Variants in ZNF280B observed in about 807,000 individuals in gnomAD.
ZNF280B encodes the protein zinc finger protein 280B, also known as suppressor of hairy wing homolog 2.
A neutral mutation model predicts 38.0 loss-of-function variants in ZNF280B; 16 were observed. That is an observed-to-expected ratio of 0.42 (90% CI 0.28 to 0.64). The LOEUF is 0.64. Ranked by LOEUF, ZNF280B falls within the 30% of genes least tolerant of loss-of-function variation. The pLI, the probability that ZNF280B is intolerant of heterozygous loss-of-function variation, is 0.21. For missense variants in ZNF280B, 581 were observed against 639.6 expected (o/e 0.91, Z 0.99); for synonymous variants, 253 against 230.6 (o/e 1.10, Z -0.88).
chr22:22,495,006 G>A lies in ZNF280B; in HGVS notation c.-186-826C>T, dbSNP rs528356029. 1.2e-4 allele frequency among the ~76,000 whole-genome samples: 19 copies of A among 152,082 alleles called. No individual in the cohort carries two copies. In the East Asian group the frequency reaches 3.3e-3, roughly 27 times the overall value. On this transcript the variant is annotated intron_variant, in intron 2 of 3. Transcript: ENST00000626650. ...CTCCCAAAGTGCTGGGATTACAGGC[G>A]TGAGCCACCGTGCCCAGCCTCTAGT...
chr22:22,498,792 CCT>C (rs2061753651), intron 2 of ZNF280B, among the ~76,000 whole-genome samples: 1 of 50,470 alleles, frequency 2.0e-5, no homozygotes, highest in Non-Finnish European at 3.6e-5. Flanking sequence ...AGGCCAATAT[CCT>C]TTTTTTTTTT....
At position 22,487,808 on chromosome 22, in the gene ZNF280B, G is replaced by C; in HGVS notation, c.1591C>G (p.Leu531Val). The part of the protein sequence containing the change: ...TVSTSDSEPS[L>V]PRSKSKISKK... ...GAAATTTTGCTTTTAGACCTGGGGA[G>C]TGATGGTTCAGAGTCAGATGTGCTC... The change falls in exon 4 of 4, where the codon CTC becomes GTC. Residue 531 changes from leucine to valine, a missense_variant. Transcript: ENST00000626650. 6.2e-7 allele frequency: 1 copy of C among 1,606,076 alleles called. No homozygotes were observed. The highest frequency in any genetic ancestry group is 8.5e-7 in the Non-Finnish European group (1 of 1,177,250).
intron 2 of ZNF280B, among the ~76,000 whole-genome samples, chr22:22,505,336 C>G (rs1248939304): frequency 6.6e-6 from 1 of 151,832 alleles, no homozygotes; most frequent in Non-Finnish European, 1.5e-5. Context: ...GAGGCCGAGG[C>G]GGGTGGATCA....
rs937880645 is a variant in ZNF280B at position 22,485,822 on chromosome 22, A to C, written c.*1945T>G. ...ATGGCGGATTCCTTGACTGGTGAAGACAGGCTGCTGGGCACCTTGGTCAGG... is the reference window on the plus strand; with the variant it reads ...ATGGCGGATTCCTTGACTGGTGAAGCCAGGCTGCTGGGCACCTTGGTCAGG... On this transcript the variant is annotated 3_prime_UTR_variant, in exon 4 of 4. Coordinates refer to ENST00000626650, the MANE Select transcript of ZNF280B (RefSeq NM_080764.4). 1 of 152,018 alleles carries C rather than the reference A, an allele frequency of 6.6e-6. No individual in the cohort carries two copies. Among genetic ancestry groups the C allele is most frequent in the Non-Finnish European group, 1.5e-5 (1 of 68,070 alleles). The allele number at this position is 152,018 out of a possible 1,614,324, so 9.4% of individuals were successfully genotyped here.
intron 3 of ZNF280B, 144 bp from the exon 4 acceptor site, chr22:22,489,610 A>G (rs995729840): frequency 3.9e-6 from 2 of 509,462 alleles, no homozygotes; most frequent in African/African-American, 2.0e-5. Context: ...AAAACCTGTG[A>G]TAAAAGATCA....
intron 2 of ZNF280B, among the ~76,000 whole-genome samples, chr22:22,505,197 T>G (rs891543602): frequency 6.6e-6 from 1 of 151,312 alleles, no homozygotes; most frequent in African/African-American, 2.4e-5. Flanking sequence ...ATGAAAAGAG[T>G]GACAAGTTAG....
intron 2 of ZNF280B, among the ~76,000 whole-genome samples, chr22:22,496,057 C>T (rs1312210220): frequency 2.0e-5 from 3 of 149,666 alleles, no homozygotes; most frequent in Non-Finnish European, 3.0e-5. Context: ...CCACCCACCT[C>T]GGCCTCCCAA....
chr22:22,488,370 G>A lies in ZNF280B; in HGVS notation c.1029C>T (p.Thr343=), dbSNP rs571645161. 1.4e-4 allele frequency: 223 copies of A among 1,613,730 alleles called. No homozygotes were observed. Among genetic ancestry groups the A allele is most frequent in the Non-Finnish European group, 1.8e-4 (218 of 1,179,964 alleles). ...KQRNDSWENH[T]TCQHCHRQFP... ...ACTGCCGGTGGCAGTGCTGGCAGGTGGTGTGGTTTTCCCAGCTGTCGTTCC... is the reference window on the plus strand; with the variant it reads ...ACTGCCGGTGGCAGTGCTGGCAGGTAGTGTGGTTTTCCCAGCTGTCGTTCC... The change falls in exon 4 of 4, where the codon ACC becomes ACT. Residue 343 remains threonine (T), a synonymous_variant. Transcript: ENST00000626650.
intron 2 of ZNF280B, among the ~76,000 whole-genome samples, chr22:22,506,723 G>A (rs77049250): frequency 0.042 from 6,406 of 151,944 alleles, 190 homozygotes; most frequent in Middle Eastern, 0.1. Context: ...GAGAAGTCTT[G>A]CTAGAATAAT....
chr22:22,496,984 A>T (rs1358930058), intron 2 of ZNF280B, among the ~76,000 whole-genome samples: 1 of 150,858 alleles, frequency 6.6e-6, no homozygotes, highest in African/African-American at 2.4e-5. Context: ...CGCCCATCTA[A>T]TTTTTGTATT....
At chr22:22,492,650 G>T (rs979949221) in intron 3 of ZNF280B, among the ~76,000 whole-genome samples, 3 of 151,896 alleles carry the variant, frequency 2.0e-5, no homozygotes, top group African/African-American at 7.2e-5. Flanking sequence ...ACTTTGGGAG[G>T]CCAAGGCAGT....
At position 22,488,726 on chromosome 22, in the gene ZNF280B, A is replaced by T; in HGVS notation, c.673T>A (p.Ser225Thr). ...QSTPSNNVHTSLSHVQNGAPF... is the reference protein window; with the variant it reads ...QSTPSNNVHTTLSHVQNGAPF... The stretch of plus-strand genomic sequence containing the variant: ...GCTCCATTCTGAACATGGCTTAATG[A>T]GGTATGAACATTATTTGAGGGTGTA... Residue 225 changes from serine to threonine, a missense_variant, in exon 4 of 4, where the codon TCA becomes ACA. Transcript: ENST00000626650. 6.2e-7 allele frequency: 1 copy of T among 1,613,842 alleles called. No homozygotes were observed. The highest frequency in any genetic ancestry group is 1.3e-5 in the African/African-American group (1 of 74,958).
chr22:22,498,409 C>T (rs2061743948), intron 2 of ZNF280B, among the ~76,000 whole-genome samples: 1 of 151,842 alleles, frequency 6.6e-6, no homozygotes, highest in Admixed American at 6.6e-5. Context: ...TTACTACCAA[C>T]CACACAGAAA....
At chr22:22,504,490 T>G (rs1342650680) in intron 2 of ZNF280B, among the ~76,000 whole-genome samples, 1 of 148,948 alleles carries the variant, frequency 6.7e-6, no homozygotes, top group Non-Finnish European at 1.5e-5. Flanking sequence ...AGCCAAAAGG[T>G]GAAAGTCACT....
chr22:22,490,024 CAT>C (rs1468231528), intron 3 of ZNF280B, among the ~76,000 whole-genome samples: 1 of 151,912 alleles, frequency 6.6e-6, no homozygotes, highest in African/African-American at 2.4e-5. Flanking sequence ...ATAGTAATCT[CAT>C]AAACATTAAT....
rs1157118792 is a variant in ZNF280B, at chr22:22,485,191, CCTT to C, written c.*2573_*2575del. The C allele has an allele frequency of 6.6e-6, 1 of 151,912 alleles. No individual in the cohort carries two copies. The highest frequency in any genetic ancestry group is 6.6e-5 in the Admixed American group (1 of 15,226). The allele number at this position is 151,912 out of a possible 1,614,324, so 9.4% of individuals were successfully genotyped here. A position where few individuals can be genotyped will look rare whatever the true frequency, so the allele number is the denominator to read the frequency against. On this transcript the variant is annotated 3_prime_UTR_variant, in exon 4 of 4. Coordinates refer to ENST00000626650, the MANE Select transcript of ZNF280B (RefSeq NM_080764.4). ...TTGGCAATTAATGACCATATGTACT[CCTT>C]AAGAGCATGCTTTAATGAGACTGCA... is the stretch of plus-strand genomic sequence containing the variant.
rs867977005 is a variant in ZNF280B, at chr22:22,503,640, C to G, written c.-187+4170G>C. 3.3e-5 allele frequency among the ~76,000 whole-genome samples: 5 copies of G among 151,900 alleles called. No individual in the cohort carries two copies. In the South Asian group the frequency reaches 8.3e-4, roughly 25 times the overall value. Reference sequence around the variant, plus strand: ...ATCTCCTTGCAGAGTGAACTCTTCTCCGATACCAAGGACTTGGAAGACCAA... The same window carrying G: ...ATCTCCTTGCAGAGTGAACTCTTCTGCGATACCAAGGACTTGGAAGACCAA... On this transcript the variant is annotated intron_variant, in intron 2 of 3. Transcript: ENST00000626650.
intron 3 of ZNF280B, among the ~76,000 whole-genome samples, chr22:22,490,836 A>G (rs2061578879): frequency 6.6e-6 from 1 of 150,978 alleles, no homozygotes; most frequent in Non-Finnish European, 1.5e-5. Context: ...TCCAATATGA[A>G]TGATCATTTG....
intron 3 of ZNF280B, among the ~76,000 whole-genome samples, chr22:22,492,885 C>CA (rs34483919): frequency 6.5e-4 from 81 of 125,258 alleles, no homozygotes; most frequent in Middle Eastern, 4.4e-3. Context: ...GACTGCATCT[C>CA]AAAAAAAAAA....
Sources: allele counts gnomAD v4.1 joint callset (sites outside exome capture counted in the v4.1 genomes callset), GRCh38; gene constraint gnomAD v4.1.1; transcripts MANE v1.5; gene names NCBI Gene and HGNC (gene_info 2026-07-23, HGNC 2026-07-21).